Variants in PADI4 observed in about 807,000 individuals in gnomAD.
PADI4 encodes the protein peptidyl arginine deiminase 4.
A neutral mutation model predicts 75.0 loss-of-function variants in PADI4; 62 were observed. That is an observed-to-expected ratio of 0.83 (90% CI 0.67 to 1.02). PADI4 has a LOEUF of 1.02. PADI4 is among the 50% of genes least tolerant of loss of function. The pLI, the probability that PADI4 is intolerant of heterozygous loss-of-function variation, is 0.00. For synonymous variants in PADI4, 361 were observed against 348.1 expected (o/e 1.04, Z -0.41); for missense variants, 845 against 850.5 (o/e 0.99, Z 0.08).
chr1:17,343,759 C>T (rs950228477), intron 8 of PADI4, among the ~76,000 whole-genome samples: 3 of 152,306 alleles, frequency 2.0e-5, no homozygotes, highest in African/African-American at 7.2e-5. Context: ...TCTCTTGCCG[C>T]CGCCATGTAA....
intron 3 of PADI4, chr1:17,334,437 G>C (rs533561084): frequency 8.8e-6 from 4 of 456,934 alleles, no homozygotes; most frequent in South Asian, 6.2e-5. Flanking sequence ...CTAGTAGCTG[G>C]GACTACAGGC....
At chr1:17,335,151 A>G (rs1472845252) in intron 3 of PADI4, among the ~76,000 whole-genome samples, 1 of 115,062 alleles carries the variant, frequency 8.7e-6, no homozygotes, top group Non-Finnish European at 2.0e-5. Flanking sequence ...TAAAAAATAT[A>G]TATATACACA....
chr1:17,351,210 A>G (rs2074612858), intron 10 of PADI4, among the ~76,000 whole-genome samples: 1 of 150,898 alleles, frequency 6.6e-6, no homozygotes, highest in Non-Finnish European at 1.5e-5. Flanking sequence ...GGAAAAAAAA[A>G]AAAAAAAAAA....
At position 17,338,054 on chromosome 1, in the gene PADI4, G is replaced by C; in HGVS notation, c.425G>C (p.Gly142Ala). 1 of 1,612,836 alleles carries C rather than the reference G, an allele frequency of 6.2e-7. No individual in the cohort carries two copies. Among genetic ancestry groups the C allele is most frequent in the Non-Finnish European group, 8.5e-7 (1 of 1,178,860 alleles). ...AVKDQRTWTW[G>A]PCGQGAILLV... ...GGTGTCCAGAGGACCTGGACCTGGG[G>C]CCCTTGTGGACAGGGTGCCATCCTG... Residue 142 changes from glycine to alanine, a missense_variant, in exon 5 of 16, where the codon GGC (glycine) becomes GCC (alanine). Transcript: ENST00000375448.
At chr1:17,315,295 G>A (rs140250229) in intron 1 of PADI4, among the ~76,000 whole-genome samples, 2 of 152,332 alleles carry the variant, frequency 1.3e-5, no homozygotes, top group East Asian at 3.9e-4. Context: ...GAATGAGTGT[G>A]TGTTTTAAGG....
At chr1:17,345,942 T>G in intron 8 of PADI4, 86 bp from the exon 9 acceptor site, 2 of 843,462 alleles carry the variant, frequency 2.4e-6, no homozygotes, top group African/African-American at 1.7e-5. Flanking sequence ...AGGTGACCCC[T>G]GAGCCACCTG....
At chr1:17,357,552 C>G (rs2074780987) in intron 13 of PADI4, among the ~76,000 whole-genome samples, 1 of 152,204 alleles carries the variant, frequency 6.6e-6, no homozygotes, top group Non-Finnish European at 1.5e-5. Context: ...ATTCACTATA[C>G]TTTTCTGAGC....
Position 17,358,960 on chromosome 1 carries a change from T to C in PADI4, c.1629+52T>C, listed in dbSNP as rs113025845. On this transcript the variant is annotated intron_variant, in intron 14 of 15. Coordinates refer to ENST00000375448, the MANE Select transcript of PADI4 (RefSeq NM_012387.3). ...GCAGACCTGACGCCCTGTCCCCGGC[T>C]CAGCCACTTTCCCAGTGATTAGAGG... 10 of 1,254,050 alleles carry C rather than the reference T, an allele frequency of 8.0e-6. No individual in the cohort carries two copies. In the African/African-American group the frequency reaches 9.0e-5, roughly 11 times the overall value. The allele number at this position is 1,254,050 out of a possible 1,614,324, so 77.7% of individuals were successfully genotyped here.
At chr1:17,345,383 T>A (rs1433164890) in intron 8 of PADI4, among the ~76,000 whole-genome samples, 1 of 152,194 alleles carries the variant, frequency 6.6e-6, no homozygotes, top group African/African-American at 2.4e-5. Context: ...AATGCTGAAA[T>A]GAGTTAAGAC....
intron 6 of PADI4, among the ~76,000 whole-genome samples, chr1:17,340,099 A>T (rs1306842033): frequency 2.0e-5 from 3 of 151,690 alleles, no homozygotes; most frequent in African/African-American, 7.3e-5. Flanking sequence ...ATAGACTTTG[A>T]GTGCAAGCTG....
intron 11 of PADI4, among the ~76,000 whole-genome samples, chr1:17,355,339 G>A (rs867359994): frequency 4.6e-5 from 7 of 152,146 alleles, no homozygotes; most frequent in African/African-American, 1.7e-4. Flanking sequence ...ATTACCTGAG[G>A]TCAGGAGTTC....
At chr1:17,343,472 T>G (rs1045533189) in intron 8 of PADI4, among the ~76,000 whole-genome samples, 2 of 152,158 alleles carry the variant, frequency 1.3e-5, no homozygotes, top group Non-Finnish European at 2.9e-5. Flanking sequence ...CAGTGAGGAC[T>G]GTATTCCGGT....
At chr1:17,313,498 C>CAAAAAA (rs71014933) in intron 1 of PADI4, among the ~76,000 whole-genome samples, 12 of 68,396 alleles carry the variant, frequency 1.8e-4, no homozygotes, top group Admixed American at 8.3e-4. Flanking sequence ...AAGACCTTGT[C>CAAAAAA]AAAAAAAAAA....
chr1:17,317,873 A>G (rs1034279023), intron 1 of PADI4, among the ~76,000 whole-genome samples: 1 of 152,090 alleles, frequency 6.6e-6, no homozygotes, highest in Non-Finnish European at 1.5e-5. Flanking sequence ...ATGTTTTTTA[A>G]ATTAGCTGGA....
chr1:17,330,105 A>C (rs1003647228), intron 1 of PADI4, among the ~76,000 whole-genome samples: 1 of 151,898 alleles, frequency 6.6e-6, no homozygotes, highest in African/African-American at 2.4e-5. Flanking sequence ...CGTGGTGGAA[A>C]CCTCTGGGTG....
At chr1:17,319,949 A>G (rs1415347262) in intron 1 of PADI4, among the ~76,000 whole-genome samples, 1 of 152,248 alleles carries the variant, frequency 6.6e-6, no homozygotes, top group African/African-American at 2.4e-5. Flanking sequence ...ATACCTAAGG[A>G]GGCAGCTGTG....
intron 1 of PADI4, among the ~76,000 whole-genome samples, chr1:17,318,037 A>G (rs2073970182): frequency 6.6e-6 from 1 of 152,188 alleles, no homozygotes; most frequent in East Asian, 1.9e-4. Context: ...CAAAAAACAC[A>G]CACTTCTGGG....
chr1:17,331,481 T>TTACC (rs2074211707), intron 2 of PADI4, among the ~76,000 whole-genome samples: 1 of 152,198 alleles, frequency 6.6e-6, no homozygotes, highest in South Asian at 2.1e-4. Flanking sequence ...GCTTACAACC[T>TTACC]ATGAATGGTA....
intron 1 of PADI4, among the ~76,000 whole-genome samples, chr1:17,318,246 A>G (rs1384608923): frequency 6.6e-6 from 1 of 152,204 alleles, no homozygotes; most frequent in African/African-American, 2.4e-5. Context: ...TGTGGCAGGA[A>G]TGGCACCAGG....
Sources: allele counts gnomAD v4.1 joint callset (sites outside exome capture counted in the v4.1 genomes callset), GRCh38; gene constraint gnomAD v4.1.1; transcripts MANE v1.5; gene names NCBI Gene and HGNC (gene_info 2026-07-23, HGNC 2026-07-21).